The following ANKLE2 variants were observed in gnomAD, a reference collection of about 807,000 sequenced individuals.
ANKLE2 encodes the protein ankyrin repeat and LEM domain containing 2.
A neutral mutation model predicts 84.2 loss-of-function variants in ANKLE2; 55 were observed. The observed-to-expected ratio is 0.65, with a 90% CI of 0.53 to 0.82. The LOEUF (loss-of-function observed/expected upper bound fraction) is 0.82. Among genes scored for constraint, ANKLE2 ranks in the 40% least tolerant of loss-of-function variants. ANKLE2 has a pLI of 0.00. For synonymous variants in ANKLE2, 551 were observed against 486.1 expected, an observed-to-expected ratio of 1.13 and a Z score of -1.76; for missense variants, 1,238 against 1,201.9, an observed-to-expected ratio of 1.03 and a Z score of -0.44.
intron 7 of ANKLE2, among the ~76,000 whole-genome samples, 152 bp downstream of exon 7, chr12:132,741,264 CAGG>C (rs892491988): frequency 1.3e-4 from 20 of 152,302 alleles, no homozygotes; most frequent in African/African-American, 4.8e-4. Context: ...TAGGAGAGCT[CAGG>C]AGAAGAAAGG....
At chr12:132,734,936 A>G (rs2043977977) in intron 9 of ANKLE2, 3 of 288,848 alleles carry the variant, frequency 1.0e-5, no homozygotes, top group South Asian at 4.6e-5. Flanking sequence ...GGTTCTAGTC[A>G]TGGCCAGGCA....
intron 5 of ANKLE2, among the ~76,000 whole-genome samples, chr12:132,746,249 T>C (rs944026056): frequency 3.3e-5 from 5 of 149,572 alleles, no homozygotes; most frequent in African/African-American, 7.4e-5. Context: ...CTCGGGAGGC[T>C]GAGGCAGGAG....
chr12:132,737,113 G>A, intron 7 of ANKLE2, 48 bp from the exon 8 acceptor site: 3 of 1,538,402 alleles, frequency 2.0e-6, no homozygotes, highest in Non-Finnish European at 2.6e-6. Flanking sequence ...CCCCTCCGCA[G>A]GTCAGGCCTG....
intron 7 of ANKLE2, among the ~76,000 whole-genome samples, chr12:132,740,854 C>CGGAGGCGAGTGGGGAGGGAACGTCCT (rs2044106935): frequency 6.6e-6 from 1 of 151,934 alleles, no homozygotes; most frequent in Non-Finnish European, 1.5e-5. Context: ...GGGAACGTCC[C>CGGAGGCGAGTGGGGAGGGAACGTCCT]GGAGGCGAGT....
rs1403285178 is a variant in ANKLE2 at position 132,736,859 on chromosome 12, G to C, written c.1593+34C>G. ...CAGCAGCACAGTATAGGGACAGCCA[G>C]GCACCACTTCCAGAAGCTTCTACAG... On this transcript the variant is annotated intron_variant, in intron 8 of 12. Transcript: ENST00000357997. The C allele has an allele frequency of 5.7e-6, 9 of 1,572,982 alleles. 1 individual carries two copies. The East Asian group carries it at 2.0e-4, about 36-fold the overall frequency.
intron 2 of ANKLE2, 108 bp from the exon 3 acceptor site, chr12:132,750,957 C>T (rs2044342432): frequency 5.1e-6 from 5 of 976,498 alleles, no homozygotes; most frequent in Non-Finnish European, 7.7e-6. Context: ...TACCCAGTCG[C>T]CTGGCTTAGT....
intron 9 of ANKLE2, chr12:132,734,931 T>C: frequency 3.4e-6 from 1 of 292,790 alleles, no homozygotes; most frequent in South Asian, 4.5e-5. Context: ...CCCGTGGTTC[T>C]AGTCATGGCC....
intron 7 of ANKLE2, among the ~76,000 whole-genome samples, chr12:132,741,181 C>A (rs1437393810): frequency 6.6e-6 from 1 of 152,206 alleles, no homozygotes; most frequent in African/African-American, 2.4e-5. Flanking sequence ...CAAAAAAGTT[C>A]TCTCACAGAA....
At chr12:132,754,589 T>C (rs1482083996) in intron 2 of ANKLE2, 86 bp downstream of exon 2, 1 of 1,347,978 alleles carries the variant, frequency 7.4e-7, no homozygotes, top group Non-Finnish European at 1.0e-6. Context: ...TCCTTCTTAA[T>C]CTGTAGTTTT....
In ANKLE2 at chr12:132,730,204, T is replaced by C. The variant is rs772731224; in HGVS notation, c.1958A>G (p.Asn653Ser). The C allele has an allele frequency of 6.3e-5, 100 of 1,598,236 alleles. No individual in the cohort carries two copies. Among genetic ancestry groups the C allele is most frequent in the Non-Finnish European group, 8.2e-5 (96 of 1,172,376 alleles). The change falls in exon 11 of 13, where the codon AAT becomes AGT. Residue 653 changes from asparagine (N) to serine (S), a missense_variant. This residue lies in a region of ANKLE2 where 802 missense variants were observed against 774.5 expected (regional missense o/e 1.04). Transcript: ENST00000357997. ...EDDMSLEEIK[N>S]RQNAARNNSP... ...GTTATTTCGAGCTGCATTTTGCCGA[T>C]TTTTTATTTCTTCCAAGCTCATGTC...
intron 6 of ANKLE2, chr12:132,741,939 C>A (rs2044132464): frequency 4.7e-6 from 2 of 429,956 alleles, no homozygotes; most frequent in African/African-American, 4.1e-5. Flanking sequence ...CTAAAGAAAT[C>A]AACTTTCTCA....
intron 8 of ANKLE2, among the ~76,000 whole-genome samples, chr12:132,736,134 G>A (rs1315318198): frequency 2.0e-5 from 3 of 152,094 alleles, no homozygotes; most frequent in Non-Finnish European, 4.4e-5. Flanking sequence ...TGTATTTTTA[G>A]TAGAGACGGG....
chr12:132,753,590 C>T (rs2044407907), intron 2 of ANKLE2, among the ~76,000 whole-genome samples: 1 of 152,146 alleles, frequency 6.6e-6, no homozygotes, highest in South Asian at 2.1e-4. Context: ...ATCGCGAAAC[C>T]TTGTCTCTAC....
At position 132,726,890 on chromosome 12, in the gene ANKLE2, G is replaced by T; in HGVS notation, c.*352C>A. The T allele has an allele frequency of 4.7e-6, 1 of 213,138 alleles. No homozygotes were observed. Among genetic ancestry groups the T allele is most frequent in the Non-Finnish European group, 9.3e-6 (1 of 107,790 alleles). The allele number at this position is 213,138 out of a possible 1,614,324, so 13.2% of individuals were successfully genotyped here. On this transcript the variant is annotated 3_prime_UTR_variant, in exon 13 of 13. Coordinates refer to ENST00000357997, the MANE Select transcript of ANKLE2 (RefSeq NM_015114.3). ...CCCCTCCTCATCCACAGCGTCTGTCGGATGAGGTGAGTACAGGGTAAGTAC... is the reference window on the plus strand; with the variant it reads ...CCCCTCCTCATCCACAGCGTCTGTCTGATGAGGTGAGTACAGGGTAAGTAC...
At chr12:132,741,256 G>A (rs1440862367) in intron 7 of ANKLE2, among the ~76,000 whole-genome samples, 163 bp downstream of exon 7, 1 of 152,248 alleles carries the variant, frequency 6.6e-6, no homozygotes, top group Non-Finnish European at 1.5e-5. Context: ...AAATGAGCTA[G>A]GAGAGCTCAG....
intron 7 of ANKLE2, among the ~76,000 whole-genome samples, chr12:132,741,111 C>A (rs115110725): frequency 6.6e-6 from 1 of 152,120 alleles, no homozygotes; most frequent in Non-Finnish European, 1.5e-5. Flanking sequence ...GAAGCTACTG[C>A]GAGAGAGACC....
At position 132,732,886 on chromosome 12, in the gene ANKLE2, G is replaced by A. The variant is rs530035471; in HGVS notation, c.1891+1499C>T. On this transcript the variant is annotated intron_variant, in intron 10 of 12. Transcript: ENST00000357997. ...CGTGTGAAGCGCTCTGCATCCTGGT[G>A]TCTGAAATGCACCGTGTGAAGCGCT... is the stretch of plus-strand genomic sequence containing the variant. 1.3e-3 allele frequency among the ~76,000 whole-genome samples: 196 copies of A among 145,678 alleles called. 8 individuals carry two copies. Among genetic ancestry groups the A allele is most frequent in the Non-Finnish European group, 2.5e-3 (165 of 65,642 alleles).
At chr12:132,741,197 A>G (rs1028492868) in intron 7 of ANKLE2, among the ~76,000 whole-genome samples, 1 of 152,248 alleles carries the variant, frequency 6.6e-6, no homozygotes, top group Admixed American at 6.5e-5. Context: ...CAGAAAGCTC[A>G]AGGAACAGAT....
rs1317524116 is a variant in ANKLE2 at position 132,748,014 on chromosome 12, A to T, written c.1048T>A (p.Cys350Ser). 2.4e-5 allele frequency: 39 copies of T among 1,598,534 alleles called. No individual in the cohort carries two copies. The highest frequency in any genetic ancestry group is 3.3e-5 in the Non-Finnish European group (39 of 1,173,728). ...GDNPTIVQEG[C>S]RYNVMHVAAK... Reference sequence around the variant, plus strand: ...GCAACATGCATCACGTTGTACCTGCACCCTTCCTGAAAGAGAACCGCATGC... The same window carrying T: ...GCAACATGCATCACGTTGTACCTGCTCCCTTCCTGAAAGAGAACCGCATGC... The change falls in exon 5 of 13, where the codon TGC (cysteine) becomes AGC (serine). Residue 350 changes from cysteine to serine, a missense_variant. This residue lies in a region of ANKLE2 where 802 missense variants were observed against 774.5 expected (regional missense o/e 1.04). Transcript: ENST00000357997.
Sources: gnomAD v4.1 joint callset for allele counts (sites outside exome capture counted in the v4.1 genomes callset) on GRCh38, gnomAD v4.1.1 for gene constraint, gnomAD v4.1.1 regional missense constraint, MANE v1.5 for transcripts, NCBI Gene and HGNC (gene_info 2026-07-23, HGNC 2026-07-21) for gene names.